Variants in IGF1R observed in about 807,000 individuals in gnomAD.
The protein encoded by IGF1R is insulin-like growth factor 1 receptor.
Under a neutral mutation model 144.6 loss-of-function variants are expected in IGF1R, and 44 were observed. That is an observed-to-expected ratio of 0.30 (90% CI 0.24 to 0.39). IGF1R has a LOEUF of 0.39. IGF1R is among the 10% of genes least tolerant of loss of function. The pLI is 1.00. For synonymous variants in IGF1R, 795 were observed against 722.8 expected (o/e 1.10, Z -1.60); for missense variants, 1,355 against 1,833.7 (o/e 0.74, Z 4.77).
At chr15:98,742,379 A>C (rs984679579) in intron 2 of IGF1R, among the ~76,000 whole-genome samples, 1 of 152,180 alleles carries the variant, frequency 6.6e-6, no homozygotes, top group African/African-American at 2.4e-5. Context: ...AGCCAGCAGG[A>C]GTGGTGAGAG....
chr15:98,694,106 C>G (rs1232617439), intron 1 of IGF1R, among the ~76,000 whole-genome samples: 1 of 152,332 alleles, frequency 6.6e-6, no homozygotes, highest in Non-Finnish European at 1.5e-5. Context: ...GATCCCTATG[C>G]ACTTAATTGG....
chr15:98,840,648 G>A (rs1042731374), intron 2 of IGF1R, among the ~76,000 whole-genome samples: 1 of 150,438 alleles, frequency 6.6e-6, no homozygotes, highest in Non-Finnish European at 1.5e-5. Context: ...TCATTTTGTT[G>A]TCCAGGCGGG....
intron 2 of IGF1R, among the ~76,000 whole-genome samples, chr15:98,843,244 A>G (rs1008406753): frequency 6.6e-6 from 1 of 152,224 alleles, no homozygotes; most frequent in Non-Finnish European, 1.5e-5. Context: ...CCAGAAAGTT[A>G]GAATATTGGG....
At chr15:98,830,165 G>A (rs991188519) in intron 2 of IGF1R, among the ~76,000 whole-genome samples, 2 of 152,200 alleles carry the variant, frequency 1.3e-5, no homozygotes, top group African/African-American at 4.8e-5. Flanking sequence ...AAACTTTCCT[G>A]TCTACCTGGA....
Position 98,916,654 on chromosome 15 carries a change from C to T in IGF1R, c.1997-18C>T. ...GCTTTCATTCCCACTCTTGTTTTGGCTTTTCTTTTCCGAGAAGACAAAATC... is the reference window on the plus strand; with the variant it reads ...GCTTTCATTCCCACTCTTGTTTTGGTTTTTCTTTTCCGAGAAGACAAAATC... On this transcript the variant is annotated intron_variant, in intron 9 of 20. Coordinates refer to ENST00000650285, the MANE Select transcript of IGF1R (RefSeq NM_000875.5). 6.2e-7 allele frequency: 1 copy of T among 1,611,712 alleles called. No individual in the cohort carries two copies. Among genetic ancestry groups the T allele is most frequent in the Non-Finnish European group, 8.5e-7 (1 of 1,177,892 alleles).
At chr15:98,777,702 C>A (rs2055753895) in intron 2 of IGF1R, among the ~76,000 whole-genome samples, 1 of 152,204 alleles carries the variant, frequency 6.6e-6, no homozygotes, top group Admixed American at 6.5e-5. Context: ...CAAGTGCATC[C>A]TCACAGTTGA....
At chr15:98,841,926 A>G (rs1211714454) in intron 2 of IGF1R, among the ~76,000 whole-genome samples, 1 of 152,212 alleles carries the variant, frequency 6.6e-6, no homozygotes, top group Non-Finnish European at 1.5e-5. Flanking sequence ...CTCGAGGAGA[A>G]CGGTTTTTGT....
chr15:98,940,790 C>T (rs1163998832), intron 18 of IGF1R, among the ~76,000 whole-genome samples: 1 of 152,206 alleles, frequency 6.6e-6, no homozygotes, highest in African/African-American at 2.4e-5. Context: ...TATCCCAGAG[C>T]CCACATCCCT....
chr15:98,914,402 G>A (rs1300605908), intron 8 of IGF1R, among the ~76,000 whole-genome samples: 1 of 152,228 alleles, frequency 6.6e-6, no homozygotes, highest in Non-Finnish European at 1.5e-5. Context: ...AGAGGAGGGT[G>A]AGAAGAAAAT....
intron 2 of IGF1R, among the ~76,000 whole-genome samples, chr15:98,855,960 GC>G (rs2011788858): frequency 6.6e-6 from 1 of 152,252 alleles, no homozygotes; most frequent in Non-Finnish European, 1.5e-5. Flanking sequence ...GAGCAGAGTG[GC>G]CGTAGAGGCT....
At chr15:98,832,247 C>G (rs1457237287) in intron 2 of IGF1R, among the ~76,000 whole-genome samples, 1 of 152,118 alleles carries the variant, frequency 6.6e-6, no homozygotes, top group Non-Finnish European at 1.5e-5. Flanking sequence ...GGAATTATGT[C>G]TTAAAACACT....
At chr15:98,690,165 C>T (rs1470904524) in intron 1 of IGF1R, among the ~76,000 whole-genome samples, 1 of 151,928 alleles carries the variant, frequency 6.6e-6, no homozygotes, top group Non-Finnish European at 1.5e-5. Context: ...AACATAGGGA[C>T]ACCCCATCTC....
intron 2 of IGF1R, among the ~76,000 whole-genome samples, chr15:98,878,678 A>AAAAAAAAAAAAAAAAAAC (rs1293964399): frequency 1.1e-5 from 1 of 93,740 alleles, no homozygotes; most frequent in African/African-American, 3.0e-5. Flanking sequence ...AAAAAAAAAA[A>AAAAAAAAAAAAAAAAAAC]AAAAAAAAAA....
At chr15:98,695,996 G>C (rs910735354) in intron 1 of IGF1R, among the ~76,000 whole-genome samples, 7 of 150,936 alleles carry the variant, frequency 4.6e-5, no homozygotes. Context: ...TCTCCCTTAG[G>C]TACAGTCTAA....
chr15:98,705,657 C>G (rs186630810), intron 1 of IGF1R, among the ~76,000 whole-genome samples: 7 of 152,198 alleles, frequency 4.6e-5, no homozygotes, highest in Non-Finnish European at 8.8e-5. Context: ...CTCTTCTCTT[C>G]GCTATCTCTG....
intron 17 of IGF1R, among the ~76,000 whole-genome samples, chr15:98,937,149 G>C (rs796260254): frequency 3.6e-4 from 55 of 152,296 alleles, no homozygotes; most frequent in African/African-American, 1.3e-3. Flanking sequence ...GCCTCCCAAA[G>C]TGCTGGGATT....
chr15:98,845,555 C>G (rs1308834307), intron 2 of IGF1R, among the ~76,000 whole-genome samples: 1 of 145,644 alleles, frequency 6.9e-6, no homozygotes, highest in African/African-American at 2.5e-5. Context: ...CCCCTCCTCT[C>G]TCCTCTTCTC....
At chr15:98,863,842 G>T (rs2012288944) in intron 2 of IGF1R, among the ~76,000 whole-genome samples, 1 of 152,210 alleles carries the variant, frequency 6.6e-6, no homozygotes, top group African/African-American at 2.4e-5. Flanking sequence ...CAGCCCAGAT[G>T]CTTGAGATGG....
chr15:98,961,775 G>C lies in IGF1R; in HGVS notation c.*4333G>C, dbSNP rs2017235960. 2 of 233,368 alleles carry C rather than the reference G, an allele frequency of 8.6e-6. No individual in the cohort carries two copies. The highest frequency in any genetic ancestry group is 4.4e-5 in the African/African-American group (2 of 45,348). 14.5% of individuals were successfully genotyped at this position (233,368 alleles called of 1,614,324 possible). A position where few individuals can be genotyped will look rare whatever the true frequency, so the allele number is the denominator to read the frequency against. On this transcript the variant is annotated 3_prime_UTR_variant, in exon 21 of 21. Transcript: ENST00000650285. ...AGACCACCCCAGGTCTCCTTCGTGG[G>C]ATGTCATGACGTTTGACATACCTTT...
Sources: allele counts gnomAD v4.1 joint callset (sites outside exome capture counted in the v4.1 genomes callset), GRCh38; gene constraint gnomAD v4.1.1; transcripts MANE v1.5; gene names NCBI Gene and HGNC (gene_info 2026-07-23, HGNC 2026-07-21).